The following SUGCT variants were observed in gnomAD, a reference collection of about 807,000 sequenced individuals.
SUGCT encodes the protein succinyl-CoA:glutarate-CoA transferase.
SUGCT carries 41 observed loss-of-function variants against 55.0 expected under a neutral mutation model. The observed-to-expected ratio is 0.74, with a 90% CI of 0.58 to 0.97. The LOEUF is 0.97. Among genes scored for constraint, SUGCT ranks in the 50% least tolerant of loss-of-function variants. The pLI is 0.00. For missense variants in SUGCT, 568 were observed against 547.8 expected (o/e 1.04, Z -0.37); for synonymous variants, 187 against 200.4 (o/e 0.93, Z 0.56).
At chr7:40,627,271 A>G (rs1422270485) in intron 12 of SUGCT, among the ~76,000 whole-genome samples, 1 of 152,240 alleles carries the variant, frequency 6.6e-6, no homozygotes, top group Non-Finnish European at 1.5e-5. Context: ...ACAGTGTGGG[A>G]GTGGTCCTGA....
intron 8 of SUGCT, among the ~76,000 whole-genome samples, chr7:40,303,507 G>A (rs553642557): frequency 8.0e-5 from 12 of 150,546 alleles, no homozygotes; most frequent in Admixed American, 1.3e-4. Context: ...TTTTTGAGAC[G>A]GAGTCTTGCT....
the SUGCT span, among the ~76,000 whole-genome samples, chr7:40,944,237 T>C: frequency 6.6e-6 from 1 of 152,046 alleles, no homozygotes; most frequent in Non-Finnish European, 1.5e-5. Flanking sequence ...GGTTGCCTGT[T>C]CACTCTGATG....
chr7:40,192,892 C>T (rs1384964272), intron 5 of SUGCT, among the ~76,000 whole-genome samples: 1 of 151,636 alleles, frequency 6.6e-6, no homozygotes, highest in Non-Finnish European at 1.5e-5. Flanking sequence ...CTCAGCCTCC[C>T]AAAGAGCTGG....
intron 12 of SUGCT, among the ~76,000 whole-genome samples, chr7:40,605,833 G>A (rs965645439): frequency 1.3e-5 from 2 of 152,154 alleles, no homozygotes; most frequent in Admixed American, 6.5e-5. Flanking sequence ...AAGTTTGGGC[G>A]TGGCAGATAG....
At chr7:40,701,397 T>C (rs1417587795) in intron 12 of SUGCT, among the ~76,000 whole-genome samples, 1 of 152,190 alleles carries the variant, frequency 6.6e-6, no homozygotes, top group Non-Finnish European at 1.5e-5. Context: ...TCAGCTTCGC[T>C]CCTACAGCAC....
At chr7:40,156,442 G>A (rs1258231524) in intron 1 of SUGCT, among the ~76,000 whole-genome samples, 2 of 152,158 alleles carry the variant, frequency 1.3e-5, no homozygotes, top group Middle Eastern at 3.4e-3. Context: ...CAGCCTGGGC[G>A]ACAGAGTGAG....
intron 12 of SUGCT, among the ~76,000 whole-genome samples, chr7:40,528,494 A>G (rs1179782140): frequency 1.3e-5 from 2 of 152,168 alleles, no homozygotes; most frequent in Admixed American, 1.3e-4. Flanking sequence ...AAGAATGGAA[A>G]ATTCTGTTTT....
At chr7:40,496,535 C>T in intron 12 of SUGCT, 149 bp downstream of exon 12, 1 of 648,846 alleles carries the variant, frequency 1.5e-6, no homozygotes, top group South Asian at 1.8e-5. Flanking sequence ...ATAAAAAGAA[C>T]CAGAACTTAG....
chr7:40,587,836 A>G (rs1272859814), intron 12 of SUGCT, among the ~76,000 whole-genome samples: 1 of 152,130 alleles, frequency 6.6e-6, no homozygotes, highest in South Asian at 2.1e-4. Flanking sequence ...GACAACAGTA[A>G]AATGGATATC....
At chr7:41,030,015 C>T in the SUGCT span, among the ~76,000 whole-genome samples, 1 of 152,226 alleles carries the variant, frequency 6.6e-6, no homozygotes, top group African/African-American at 2.4e-5. Context: ...ATACAGAATG[C>T]AGCCTGTTCA....
At chr7:40,199,193 C>T (rs1786459663) in intron 6 of SUGCT, among the ~76,000 whole-genome samples, 1 of 151,944 alleles carries the variant, frequency 6.6e-6, no homozygotes, top group African/African-American at 2.4e-5. Context: ...ACATGTTGGC[C>T]CTATTGCTGA....
chr7:40,406,235 C>G (rs368544868), intron 9 of SUGCT, among the ~76,000 whole-genome samples: 2 of 152,048 alleles, frequency 1.3e-5, no homozygotes, highest in African/African-American at 4.8e-5. Context: ...CATCAGAATG[C>G]AGGGTCTGAG....
chr7:40,637,055 C>G (rs570810701), intron 12 of SUGCT, among the ~76,000 whole-genome samples: 1 of 152,266 alleles, frequency 6.6e-6, no homozygotes, highest in Middle Eastern at 3.4e-3. Context: ...ATTTCATGAG[C>G]AACCCGAAAG....
chr7:40,273,412 G>C (rs1310165319), intron 7 of SUGCT, among the ~76,000 whole-genome samples: 1 of 152,176 alleles, frequency 6.6e-6, no homozygotes, highest in African/African-American at 2.4e-5. Flanking sequence ...GCATCAGCCA[G>C]ATGAAGTATG....
intron 1 of SUGCT, among the ~76,000 whole-genome samples, chr7:40,147,165 C>T (rs748441622): frequency 3.9e-4 from 59 of 152,038 alleles, no homozygotes; most frequent in Non-Finnish European, 6.9e-4. Flanking sequence ...CTTCCCCTTC[C>T]GCTAGGGGAG....
chr7:40,872,222 C>T, the SUGCT span, among the ~76,000 whole-genome samples: 25 of 152,202 alleles, frequency 1.6e-4, no homozygotes, highest in East Asian at 1.4e-3. Context: ...CTGACCGTCC[C>T]ATCTATTCAT....
At chr7:40,180,895 T>A in intron 1 of SUGCT, 52 bp from the exon 2 acceptor site, 1 of 1,360,432 alleles carries the variant, frequency 7.4e-7, no homozygotes, top group Non-Finnish European at 1.1e-6. Context: ...TATGTGAAAA[T>A]GTAAGAAAAT....
chr7:40,159,590 C>T (rs375385166), intron 1 of SUGCT, among the ~76,000 whole-genome samples: 3 of 151,674 alleles, frequency 2.0e-5, no homozygotes, highest in African/African-American at 4.8e-5. Context: ...AGGATGGTCT[C>T]GATCTCCTGA....
At chr7:40,150,055 T>C (rs1203176310) in intron 1 of SUGCT, among the ~76,000 whole-genome samples, 1 of 110,668 alleles carries the variant, frequency 9.0e-6, no homozygotes, top group East Asian at 2.3e-4. Flanking sequence ...ATCACGCCAC[T>C]GCACTCCAAC....
Sources: gnomAD v4.1 joint callset for allele counts (sites outside exome capture counted in the v4.1 genomes callset) on GRCh38, gnomAD v4.1.1 for gene constraint, MANE v1.5 for transcripts, NCBI Gene and HGNC (gene_info 2026-07-23, HGNC 2026-07-21) for gene names.